Variants in SNX29 observed in about 807,000 individuals in gnomAD.
SNX29 encodes sorting nexin-29.
SNX29 carries 78 observed loss-of-function variants against 102.1 expected under a neutral mutation model. The ratio of observed to expected loss-of-function variants is 0.76; its 90% CI spans 0.64 to 0.92. The LOEUF (loss-of-function observed/expected upper bound fraction) is 0.92, where lower values mean the gene tolerates loss of function less well. Among genes scored for constraint, SNX29 ranks in the 40% least tolerant of loss-of-function variants. The pLI, the probability that SNX29 is intolerant of heterozygous loss-of-function variation, is 0.00. For missense variants in SNX29, 1,280 were observed against 1,061.7 expected, an observed-to-expected ratio of 1.21 and a Z score of -2.86; for synonymous variants, 580 against 414.5, an observed-to-expected ratio of 1.40 and a Z score of -4.85.
At chr16:12,291,898 A>G (rs2079809243) in intron 15 of SNX29, among the ~76,000 whole-genome samples, 1 of 152,212 alleles carries the variant, frequency 6.6e-6, no homozygotes, top group Non-Finnish European at 1.5e-5. Flanking sequence ...AGTGAGTGAG[A>G]GCCAGATCAG....
chr16:12,108,422 A>G (rs1039612580), intron 11 of SNX29, among the ~76,000 whole-genome samples: 2 of 152,222 alleles, frequency 1.3e-5, no homozygotes, highest in East Asian at 3.8e-4. Flanking sequence ...CCAAGTCAGC[A>G]GGTGCACCAG....
intron 15 of SNX29, among the ~76,000 whole-genome samples, chr16:12,340,954 G>T (rs1433063189): frequency 1.3e-5 from 2 of 152,120 alleles, no homozygotes; most frequent in Non-Finnish European, 2.9e-5. Context: ...TCACCATGAG[G>T]TTATGAGAAC....
At chr16:12,156,851 C>T (rs578045345) in intron 13 of SNX29, among the ~76,000 whole-genome samples, 46 of 152,312 alleles carry the variant, frequency 3.0e-4, no homozygotes, top group African/African-American at 8.4e-4. Flanking sequence ...TGCCCCCCTC[C>T]CCTGGAGCTC....
chr16:12,076,692 A>G (rs538747114), intron 10 of SNX29, among the ~76,000 whole-genome samples: 1 of 152,290 alleles, frequency 6.6e-6, no homozygotes, highest in South Asian at 2.1e-4. Flanking sequence ...GTCTTATGCC[A>G]CTGCCATCCT....
intron 16 of SNX29, among the ~76,000 whole-genome samples, chr16:12,396,852 C>A (rs143185030): frequency 1.3e-5 from 2 of 152,278 alleles, no homozygotes; most frequent in African/African-American, 2.4e-5. Flanking sequence ...GCAGTTAATA[C>A]GTCTTCATTG....
At chr16:12,019,462 C>T (rs1450005334) in intron 3 of SNX29, among the ~76,000 whole-genome samples, 1 of 151,922 alleles carries the variant, frequency 6.6e-6, no homozygotes, top group East Asian at 1.9e-4. Context: ...GCCTCGGCCT[C>T]CCAAAGTGCT....
chr16:12,473,706 C>T (rs1170131579), intron 18 of SNX29, among the ~76,000 whole-genome samples: 1 of 152,134 alleles, frequency 6.6e-6, no homozygotes, highest in South Asian at 2.1e-4. Context: ...AAACAGGTTG[C>T]AGTAAAGAAG....
chr16:12,249,389 G>A (rs899289003), intron 14 of SNX29, among the ~76,000 whole-genome samples: 2 of 152,208 alleles, frequency 1.3e-5, no homozygotes, highest in African/African-American at 2.4e-5. Flanking sequence ...ACAAGCCCAC[G>A]TGCAAGGCTC....
chr16:12,492,188 C>G (rs1399256741), intron 19 of SNX29, among the ~76,000 whole-genome samples: 1 of 152,188 alleles, frequency 6.6e-6, no homozygotes, highest in Non-Finnish European at 1.5e-5. Context: ...CTCGCCAGCA[C>G]CTGTTGTTTC....
chr16:12,412,528 G>C (rs1388596902), intron 18 of SNX29, among the ~76,000 whole-genome samples: 1 of 152,236 alleles, frequency 6.6e-6, no homozygotes, highest in African/African-American at 2.4e-5. Flanking sequence ...CTGCAAAGAC[G>C]AGAGTGTGGA....
intron 15 of SNX29, among the ~76,000 whole-genome samples, chr16:12,292,584 C>T (rs1332132898): frequency 6.6e-6 from 1 of 152,170 alleles, no homozygotes; most frequent in Non-Finnish European, 1.5e-5. Flanking sequence ...TAAAGGTGCT[C>T]TTCTAGTTGA....
intron 20 of SNX29, among the ~76,000 whole-genome samples, chr16:12,534,142 G>T (rs961280342): frequency 2.6e-5 from 4 of 152,240 alleles, no homozygotes; most frequent in Non-Finnish European, 1.5e-5. Context: ...CCAACACCAG[G>T]CCTCAGGGCA....
intron 16 of SNX29, among the ~76,000 whole-genome samples, chr16:12,357,247 G>A (rs1190448664): frequency 6.6e-6 from 1 of 152,004 alleles, no homozygotes; most frequent in Non-Finnish European, 1.5e-5. Flanking sequence ...TGTGTTTCAG[G>A]TTATCTACAT....
At chr16:12,567,981 C>T (rs953258651) in intron 20 of SNX29, among the ~76,000 whole-genome samples, 1 of 152,158 alleles carries the variant, frequency 6.6e-6, no homozygotes, top group African/African-American at 2.4e-5. Flanking sequence ...TTATCTTCCA[C>T]TGTTCCTGGC....
chr16:12,572,697 C>T lies in SNX29; in HGVS notation c.*4068C>T, dbSNP rs936027018. The T allele has an allele frequency of 3.8e-6, 4 of 1,063,704 alleles. No homozygotes were observed. The African/African-American group carries it at 4.9e-5, about 13-fold the overall frequency. The allele number at this position is 1,063,704 out of a possible 1,614,324, so 65.9% of individuals were successfully genotyped here. ...ACACGGGGGAAGCCCTGCACTCCAG[C>T]AGCATCTTCCAGCCTTGGCACAGAA... On this transcript the variant is annotated 3_prime_UTR_variant, in exon 21 of 21. Transcript: ENST00000566228.
chr16:12,410,598 A>G (rs940634563), intron 18 of SNX29, among the ~76,000 whole-genome samples: 5 of 151,970 alleles, frequency 3.3e-5, no homozygotes, highest in African/African-American at 1.2e-4. Context: ...GGCATGTACC[A>G]CAATGCCCAT....
chr16:12,479,945 C>T (rs1017831033), intron 19 of SNX29, among the ~76,000 whole-genome samples: 6 of 152,118 alleles, frequency 3.9e-5, no homozygotes, highest in African/African-American at 9.7e-5. Context: ...TGGGGTGAGT[C>T]GTGACTTAAC....
chr16:12,543,152 A>G (rs148838977), intron 20 of SNX29, among the ~76,000 whole-genome samples: 254 of 152,326 alleles, frequency 1.7e-3, no homozygotes, highest in African/African-American at 5.8e-3. Context: ...GCCCTGAAGC[A>G]TAAGTGTTCT....
At chr16:12,232,202 C>G (rs1229134825) in intron 14 of SNX29, among the ~76,000 whole-genome samples, 1 of 152,132 alleles carries the variant, frequency 6.6e-6, no homozygotes, top group Non-Finnish European at 1.5e-5. Context: ...GGGGAAGATG[C>G]ATTTGTAGGC....
Sources: gnomAD v4.1 joint callset for allele counts (sites outside exome capture counted in the v4.1 genomes callset) on GRCh38, gnomAD v4.1.1 for gene constraint, MANE v1.5 for transcripts, NCBI Gene and HGNC (gene_info 2026-07-23, HGNC 2026-07-21) for gene names.